DCDC1: variants seen among roughly 807,000 people sequenced by gnomAD.
DCDC1 encodes the protein doublecortin domain-containing protein 1.
A neutral mutation model predicts 178.3 loss-of-function variants in DCDC1; 200 were observed. The ratio of observed to expected loss-of-function variants is 1.12; its 90% confidence interval spans 1.00 to 1.26. DCDC1 has a LOEUF of 1.26. Among genes scored for constraint, DCDC1 ranks in the 50% most tolerant of loss-of-function variants. The pLI is 0.00. For missense variants in DCDC1, 1,983 were observed against 1,749.2 expected (o/e 1.13, Z -2.38); for synonymous variants, 690 against 604.8 (o/e 1.14, Z -2.07).
At chr11:30,983,376 C>T (rs556176701) in intron 20 of DCDC1, among the ~76,000 whole-genome samples, 58 of 152,140 alleles carry the variant, frequency 3.8e-4, no homozygotes, top group Non-Finnish European at 6.6e-4. Flanking sequence ...CACAATATTG[C>T]GAAATGAAAA....
chr11:30,914,650 A>AGAG (rs1462280248), intron 27 of DCDC1, among the ~76,000 whole-genome samples: 11 of 150,180 alleles, frequency 7.3e-5, no homozygotes, highest in African/African-American at 2.7e-4. Context: ...AAAAAAAAAA[A>AGAG]AAAGAGAGAG....
intron 3 of DCDC1, among the ~76,000 whole-genome samples, chr11:31,312,508 G>A (rs1948831203): frequency 6.6e-6 from 1 of 152,184 alleles, no homozygotes; most frequent in African/African-American, 2.4e-5. Flanking sequence ...ATTAGCATTT[G>A]AACTGGTGGA....
intron 11 of DCDC1, among the ~76,000 whole-genome samples, chr11:31,126,072 GAAAAC>G (rs987082453): frequency 8.6e-5 from 13 of 152,026 alleles, no homozygotes; most frequent in African/African-American, 2.9e-4. Context: ...GAACTTGAGG[GAAAAC>G]AAAACACTTT....
chr11:31,015,291 C>T (rs919803758), intron 20 of DCDC1, among the ~76,000 whole-genome samples: 1 of 152,152 alleles, frequency 6.6e-6, no homozygotes, highest in African/African-American at 2.4e-5. Flanking sequence ...TTTAGGATTA[C>T]AGAATTTCCT....
chr11:31,130,451 C>G (rs975254133), intron 10 of DCDC1, among the ~76,000 whole-genome samples: 1 of 152,158 alleles, frequency 6.6e-6, no homozygotes, highest in African/African-American at 2.4e-5. Flanking sequence ...GCCCACCCCA[C>G]CCCATGAAAA....
intron 7 of DCDC1, among the ~76,000 whole-genome samples, chr11:31,266,387 C>A (rs1164911187): frequency 6.6e-6 from 1 of 152,094 alleles, no homozygotes; most frequent in East Asian, 1.9e-4. Flanking sequence ...GTTCTACTCA[C>A]AAGGTGAGGA....
intron 20 of DCDC1, among the ~76,000 whole-genome samples, chr11:30,976,725 T>G (rs1950124247): frequency 6.6e-6 from 1 of 152,116 alleles, no homozygotes; most frequent in Non-Finnish European, 1.5e-5. Flanking sequence ...TCTTATACAC[T>G]GTTGGTGGGA....
intron 2 of DCDC1, among the ~76,000 whole-genome samples, chr11:31,330,759 C>T (rs1346382109): frequency 6.6e-6 from 1 of 152,092 alleles, no homozygotes; most frequent in Admixed American, 6.6e-5. Context: ...TGGTCTATAT[C>T]TCTGTTTTGT....
rs1322079209 is a variant in DCDC1 at position 30,906,706 on chromosome 11, G to A, written c.3938C>T (p.Pro1313Leu). ...IDQPGYCYLSPDGKRKTMLCL... is the reference protein window; with the variant it reads ...IDQPGYCYLSLDGKRKTMLCL... ...GAGCATAGTTTTTCTCTTTCCATCA[G>A]GTGAGAGATAACAGTATCCCTAAAA... The change falls in exon 30 of 39, where the codon CCT (proline) becomes CTT (leucine). Residue 1313 changes from proline to leucine, a missense_variant. Coordinates refer to ENST00000684477, the MANE Select transcript of DCDC1 (RefSeq NM_001387274.1). 1 of 1,613,110 alleles carries A rather than the reference G, an allele frequency of 6.2e-7. No individual in the cohort carries two copies. Among genetic ancestry groups the A allele is most frequent in the Non-Finnish European group, 8.5e-7 (1 of 1,179,440 alleles).
At chr11:30,935,642 C>T (rs2134346937) in intron 21 of DCDC1, among the ~76,000 whole-genome samples, 1 of 152,216 alleles carries the variant, frequency 6.6e-6, no homozygotes, top group East Asian at 1.9e-4. Context: ...CAACCTTTGC[C>T]TCCCAGGTTC....
chr11:31,323,609 T>A (rs1280387483), intron 3 of DCDC1, among the ~76,000 whole-genome samples: 3 of 152,118 alleles, frequency 2.0e-5, no homozygotes, highest in Non-Finnish European at 4.4e-5. Flanking sequence ...AGTTTTTTTT[T>A]AATATTATCA....
chr11:31,219,093 A>G (rs1177359939), intron 9 of DCDC1, among the ~76,000 whole-genome samples: 1 of 152,118 alleles, frequency 6.6e-6, no homozygotes, highest in Non-Finnish European at 1.5e-5. Context: ...CTAAAGAAGC[A>G]CACACACTCT....
intron 20 of DCDC1, among the ~76,000 whole-genome samples, chr11:30,958,063 G>T (rs1261424201): frequency 1.3e-5 from 2 of 152,152 alleles, no homozygotes; most frequent in African/African-American, 2.4e-5. Context: ...GTGAGAAATT[G>T]TCCCATTAGG....
At chr11:31,250,166 G>A (rs1477300614) in intron 8 of DCDC1, among the ~76,000 whole-genome samples, 1 of 151,662 alleles carries the variant, frequency 6.6e-6, no homozygotes, top group Admixed American at 6.6e-5. Context: ...GTATCTGTAG[G>A]AGACAAAGTA....
chr11:30,988,344 G>C (rs1387644984), intron 20 of DCDC1, among the ~76,000 whole-genome samples: 1 of 151,916 alleles, frequency 6.6e-6, no homozygotes, highest in African/African-American at 2.4e-5. Flanking sequence ...TTGAACTTGG[G>C]GATAGAATAG....
intron 10 of DCDC1, among the ~76,000 whole-genome samples, chr11:31,136,851 A>C (rs1351106937): frequency 6.6e-6 from 1 of 152,138 alleles, no homozygotes; most frequent in Non-Finnish European, 1.5e-5. Context: ...GAAGAGAGGA[A>C]GGTTTGCTTT....
At chr11:31,157,859 A>G (rs1965886602) in intron 9 of DCDC1, among the ~76,000 whole-genome samples, 2 of 152,212 alleles carry the variant, frequency 1.3e-5, no homozygotes, top group Admixed American at 6.5e-5. Context: ...GTATTTTACT[A>G]CAATAAAAAA....
intron 9 of DCDC1, among the ~76,000 whole-genome samples, chr11:31,150,375 G>C (rs1965026134): frequency 6.6e-6 from 1 of 151,960 alleles, no homozygotes; most frequent in Non-Finnish European, 1.5e-5. Flanking sequence ...ATTTAACAAT[G>C]GGAAATAATA....
At chr11:31,068,700 A>G (rs2135509077) in intron 18 of DCDC1, among the ~76,000 whole-genome samples, 1 of 152,268 alleles carries the variant, frequency 6.6e-6, no homozygotes. Flanking sequence ...CAAAACTAAC[A>G]TGTATCCCTT....
Sources: gnomAD v4.1 joint callset for allele counts (sites outside exome capture counted in the v4.1 genomes callset) on GRCh38, gnomAD v4.1.1 for gene constraint, MANE v1.5 for transcripts, NCBI Gene and HGNC (gene_info 2026-07-23, HGNC 2026-07-21) for gene names.